Variants in ADAMTS12 observed in about 807,000 individuals in gnomAD.
ADAMTS12 encodes the protein A disintegrin and metalloproteinase with thrombospondin motifs 12.
ADAMTS12 carries 118 observed loss-of-function variants against 167.8 expected under a neutral mutation model. The observed-to-expected ratio is 0.70, with a 90% CI of 0.61 to 0.82. ADAMTS12 has a LOEUF of 0.82. ADAMTS12 is among the 40% of genes least tolerant of loss of function. The probability of loss-of-function intolerance (pLI) is 0.00; values close to 1 mark genes in which losing one functional copy is unlikely to be tolerated. For synonymous variants in ADAMTS12, 704 were observed against 716.9 expected (o/e 0.98, Z 0.29); for missense variants, 1,916 against 1,998.8 (o/e 0.96, Z 0.79).
intron 16 of ADAMTS12, among the ~76,000 whole-genome samples, chr5:33,610,002 A>G (rs1738647774): frequency 6.6e-6 from 1 of 151,752 alleles, no homozygotes; most frequent in South Asian, 2.1e-4. Context: ...CAACATGGAG[A>G]AACCCCGTCT....
intron 1 of ADAMTS12, among the ~76,000 whole-genome samples, chr5:33,886,983 C>T (rs1222116873): frequency 6.6e-6 from 1 of 151,954 alleles, no homozygotes; most frequent in African/African-American, 2.4e-5. Context: ...AGGAACTTGG[C>T]TACCCGGGAT....
At position 33,661,894 on chromosome 5, in the gene ADAMTS12, T is replaced by A. The variant is rs897303714; in HGVS notation, c.1040+22A>T. The A allele has an allele frequency of 2.5e-6, 4 of 1,612,372 alleles. No individual in the cohort carries two copies. The African/African-American group carries it at 5.3e-5, about 22-fold the overall frequency. On this transcript the variant is annotated intron_variant, in intron 6 of 23. Coordinates refer to ENST00000504830, the MANE Select transcript of ADAMTS12 (RefSeq NM_030955.4). ...CCCTCCCTGCTTTACTGCCCCTGGG[T>A]TTCATGTAGTCTCTGGTGTACCTGG...
At chr5:33,696,312 T>A (rs1742765932) in intron 3 of ADAMTS12, among the ~76,000 whole-genome samples, 1 of 150,312 alleles carries the variant, frequency 6.7e-6, no homozygotes, top group South Asian at 2.1e-4. Context: ...TCCCAGCTAC[T>A]CGGGAGGCTG....
At chr5:33,678,056 C>T (rs4437379) in intron 5 of ADAMTS12, among the ~76,000 whole-genome samples, 9 of 151,902 alleles carry the variant, frequency 5.9e-5, no homozygotes, top group Non-Finnish European at 1.2e-4. Context: ...AGAATAAGAA[C>T]GACAAGAGTG....
chr5:33,544,039 G>A (rs1391794251), intron 22 of ADAMTS12, among the ~76,000 whole-genome samples: 1 of 152,130 alleles, frequency 6.6e-6, no homozygotes, highest in African/African-American at 2.4e-5. Context: ...AAGAACTAAA[G>A]TGTATTCAAT....
At chr5:33,717,625 C>T (rs1454579990) in intron 3 of ADAMTS12, among the ~76,000 whole-genome samples, 1 of 152,114 alleles carries the variant, frequency 6.6e-6, no homozygotes, top group Non-Finnish European at 1.5e-5. Context: ...AAGCACCCTG[C>T]ACCAAGTAAA....
chr5:33,820,946 A>C (rs572885369), intron 2 of ADAMTS12, among the ~76,000 whole-genome samples: 4 of 152,254 alleles, frequency 2.6e-5, no homozygotes, highest in Admixed American at 2.0e-4. Flanking sequence ...ACATAGAGGA[A>C]AACAACATAC....
At chr5:33,637,824 G>A in intron 11 of ADAMTS12, 78 bp from the exon 12 acceptor site, 1 of 1,470,700 alleles carries the variant, frequency 6.8e-7, no homozygotes, top group Non-Finnish European at 9.2e-7. Flanking sequence ...TCTGGTATCT[G>A]GCCTTGACAA....
At position 33,588,630 on chromosome 5, in the gene ADAMTS12, G is replaced by T; in HGVS notation, c.2834C>A (p.Pro945His). ...LLSCNRDILCPSDWTVGNWSE... is the reference protein window; with the variant it reads ...LLSCNRDILCHSDWTVGNWSE... ...CCAGTTGCCCACTGTCCAGTCCGAG[G>T]GGCACAGGATGTCTCTGTTGCAGGA... Residue 945 changes from proline (P) to histidine (H), a missense_variant, in exon 18 of 24, where the codon CCC (proline) becomes CAC (histidine). Pro to His is a moderately conservative substitution (Grantham distance 77). Transcript: ENST00000504830. The T allele has an allele frequency of 6.2e-7, 1 of 1,614,160 alleles. No individual in the cohort carries two copies. Among genetic ancestry groups the T allele is most frequent in the Non-Finnish European group, 8.5e-7 (1 of 1,180,022 alleles).
At chr5:33,588,967 G>C (rs1308119375) in intron 17 of ADAMTS12, among the ~76,000 whole-genome samples, 158 bp from the exon 18 acceptor site, 1 of 152,194 alleles carries the variant, frequency 6.6e-6, no homozygotes, top group Non-Finnish European at 1.5e-5. Context: ...CAGGGCCACC[G>C]TGTCTTCAAT....
intron 2 of ADAMTS12, among the ~76,000 whole-genome samples, chr5:33,825,593 T>C (rs766248138): frequency 3.9e-5 from 6 of 152,210 alleles, no homozygotes; most frequent in Non-Finnish European, 7.3e-5. Flanking sequence ...TCTTAACTAA[T>C]TGCATAAAAC....
At position 33,576,297 on chromosome 5, in the gene ADAMTS12, C is replaced by T. The variant is rs199947257; in HGVS notation, c.3729G>A (p.Lys1243=). Residue 1243 remains lysine (K), a synonymous_variant, in exon 19 of 24, where the codon AAG becomes AAA. Transcript: ENST00000504830. Reference sequence around the variant, plus strand: ...CCAGAGGGAGCAGAGTGTTGGCTGGCTTTTCAGTAACCATCCCCTCAACTC... The same window carrying T: ...CCAGAGGGAGCAGAGTGTTGGCTGGTTTTTCAGTAACCATCCCCTCAACTC... ...TPRVEGMVTE[K]PANTLLPLGG... 2 of 1,614,156 alleles carry T rather than the reference C, an allele frequency of 1.2e-6. No homozygotes were observed. The highest frequency in any genetic ancestry group is 1.7e-6 in the Non-Finnish European group (2 of 1,180,014).
intron 2 of ADAMTS12, among the ~76,000 whole-genome samples, chr5:33,810,160 G>A (rs1331739599): frequency 1.3e-5 from 2 of 152,054 alleles, no homozygotes; most frequent in African/African-American, 4.8e-5. Context: ...GCATTTTACT[G>A]TCTAGAGAAC....
At chr5:33,849,570 TGTGTATTGCATAGCAATACAC>T (rs1749127690) in intron 2 of ADAMTS12, among the ~76,000 whole-genome samples, 1 of 139,006 alleles carries the variant, frequency 7.2e-6, no homozygotes, top group Non-Finnish European at 1.6e-5. Context: ...GCAATACACA[TGTGTATTGCATAGCAATACAC>T]ATATGTATTG....
intron 2 of ADAMTS12, among the ~76,000 whole-genome samples, chr5:33,788,985 C>T (rs181535577): frequency 3.3e-5 from 5 of 152,326 alleles, no homozygotes; most frequent in Admixed American, 2.6e-4. Flanking sequence ...ATCTCCCTAA[C>T]AGTGAAATCC....
chr5:33,783,484 AAT>A (rs775105484), intron 2 of ADAMTS12, among the ~76,000 whole-genome samples: 9 of 151,882 alleles, frequency 5.9e-5, no homozygotes, highest in Non-Finnish European at 8.8e-5. Context: ...AATTAGCTAG[AAT>A]AACTGAGCAA....
At chr5:33,547,356 C>G (rs753127116) in intron 21 of ADAMTS12, among the ~76,000 whole-genome samples, 1 of 152,134 alleles carries the variant, frequency 6.6e-6, no homozygotes, top group Non-Finnish European at 1.5e-5. Flanking sequence ...TGGGACCTAT[C>G]CATCTGTGTG....
intron 23 of ADAMTS12, among the ~76,000 whole-genome samples, chr5:33,533,774 C>A (rs1411289084): frequency 6.6e-6 from 1 of 152,086 alleles, no homozygotes; most frequent in Non-Finnish European, 1.5e-5. Flanking sequence ...TCACAGGACA[C>A]CCTTAACTAG....
chr5:33,773,522 T>C (rs1419063500), intron 2 of ADAMTS12, among the ~76,000 whole-genome samples: 3 of 152,190 alleles, frequency 2.0e-5, no homozygotes, highest in South Asian at 2.1e-4. Flanking sequence ...TCCACCATTA[T>C]GGCAGTCAGG....
Sources: gnomAD v4.1 joint callset for allele counts (sites outside exome capture counted in the v4.1 genomes callset) on GRCh38, gnomAD v4.1.1 for gene constraint, MANE v1.5 for transcripts, NCBI Gene and HGNC (gene_info 2026-07-23, HGNC 2026-07-21) for gene names.